Variants in SCN2A observed in about 807,000 individuals in gnomAD.
SCN2A encodes sodium voltage-gated channel alpha subunit 2.
A neutral mutation model predicts 188.7 loss-of-function variants in SCN2A; 20 were observed. The observed-to-expected ratio is 0.11, with a 90% CI of 0.07 to 0.15. The LOEUF (loss-of-function observed/expected upper bound fraction) is 0.15, where lower values mean the gene tolerates loss of function less well. SCN2A is among the 10% of genes least tolerant of loss of function. The pLI, the probability that SCN2A is intolerant of heterozygous loss-of-function variation, is 1.00. For missense variants in SCN2A, 1,278 were observed against 2,445.0 expected (o/e 0.52, Z 10.07); for synonymous variants, 804 against 833.1 (o/e 0.97, Z 0.60).
In SCN2A at chr2:165,259,931, A is replaced by ATTT. The variant is rs140137535; in HGVS notation, c.-52+20314_-52+20316dup. Among the ~76,000 whole-genome samples the ATTT allele has an allele frequency of 4.1e-3, 368 of 89,438 alleles. 13 individuals are homozygous for ATTT. The highest frequency in any genetic ancestry group is 0.015 in the African/African-American group (326 of 21,530). 58.7% of individuals were successfully genotyped at this position (89,438 alleles called of 152,430 possible). ...ATGGCACCTGTAGCCCTAAAAATGGATTTTTTTTTTTTTTTTTTTTTTTTT... is the reference window on the plus strand; with the variant it reads ...ATGGCACCTGTAGCCCTAAAAATGGATTTTTTTTTTTTTTTTTTTTTTTTTTTT... On this transcript the variant is annotated intron_variant, in intron 1 of 26. Transcript: ENST00000375437.
At chr2:165,304,061 T>C (rs1696985009) in intron 3 of SCN2A, among the ~76,000 whole-genome samples, 2 of 152,176 alleles carry the variant, frequency 1.3e-5, no homozygotes, top group Admixed American at 1.3e-4. Context: ...ATTTTTCTTA[T>C]ATTTTTACCC....
At chr2:165,358,876 T>A (rs577876298) in intron 17 of SCN2A, among the ~76,000 whole-genome samples, 81 of 152,252 alleles carry the variant, frequency 5.3e-4, no homozygotes, top group Non-Finnish European at 9.7e-4. Flanking sequence ...AACATCATTC[T>A]ATGGGATCCA....
intron 13 of SCN2A, among the ~76,000 whole-genome samples, chr2:165,330,826 A>G (rs1367411956): frequency 6.6e-6 from 1 of 152,150 alleles, no homozygotes; most frequent in African/African-American, 2.4e-5. Context: ...ATAATCTAAT[A>G]AAATTTAATT....
intron 2 of SCN2A, chr2:165,296,432 A>G (rs552481213): frequency 3.5e-6 from 1 of 285,510 alleles, no homozygotes; most frequent in Non-Finnish European, 6.7e-6. Context: ...CAAAAACTGT[A>G]AACTAGGAGT....
chr2:165,290,794 CT>C, intron 1 of SCN2A: 1 of 984,890 alleles, frequency 1.0e-6, no homozygotes, highest in Non-Finnish European at 1.2e-6. Flanking sequence ...TTGTAAGTAT[CT>C]TGCCTGGCCA....
At chr2:165,311,943 G>A (rs577252162) in intron 7 of SCN2A, 82 bp from the exon 8 acceptor site, 1 of 868,174 alleles carries the variant, frequency 1.2e-6, no homozygotes, top group African/African-American at 1.7e-5. Flanking sequence ...GAAAACATTT[G>A]TGAGCTTTGC....
At chr2:165,320,032 C>A (rs1186014623) in intron 11 of SCN2A, among the ~76,000 whole-genome samples, 3 of 152,192 alleles carry the variant, frequency 2.0e-5, no homozygotes, top group Non-Finnish European at 4.4e-5. Flanking sequence ...CAAGTCCTTT[C>A]CATCTATGAG....
chr2:165,283,572 A>G (rs1207950296), intron 1 of SCN2A, among the ~76,000 whole-genome samples: 1 of 152,214 alleles, frequency 6.6e-6, no homozygotes, highest in Non-Finnish European at 1.5e-5. Flanking sequence ...TAGTCCCATA[A>G]TAGCAATAGC....
chr2:165,336,956 T>TAGTTAATA (rs1699033996), intron 14 of SCN2A, among the ~76,000 whole-genome samples: 1 of 151,920 alleles, frequency 6.6e-6, no homozygotes, highest in African/African-American at 2.4e-5. Flanking sequence ...ATGTGACTCA[T>TAGTTAATA]AGTTAATAGA....
intron 17 of SCN2A, among the ~76,000 whole-genome samples, chr2:165,355,625 T>C (rs1273295844): frequency 6.6e-6 from 1 of 152,172 alleles, no homozygotes; most frequent in Non-Finnish European, 1.5e-5. Context: ...AAAGCTTCTA[T>C]TCCTGATGTC....
intron 1 of SCN2A, among the ~76,000 whole-genome samples, chr2:165,256,409 T>G (rs957506759): frequency 2.0e-5 from 3 of 152,198 alleles, no homozygotes; most frequent in Non-Finnish European, 4.4e-5. Context: ...TTGCAACAAC[T>G]GTGGTAGCCT....
rs1442188692 is a variant in SCN2A, at chr2:165,323,376, C to T, written c.1892C>T (p.Ala631Val). The change falls in exon 12 of 27, where the codon GCC (alanine) becomes GTC (valine). Residue 631 changes from alanine to valine, a missense_variant. By Grantham distance (64) the Ala-to-Val change is moderately conservative. This residue lies in a region of SCN2A where 315 missense variants were observed against 386.6 expected (regional missense o/e 0.81). Coordinates refer to ENST00000375437, the MANE Select transcript of SCN2A (RefSeq NM_001040142.2). ...RHSNVSQASR[A>V]SRVLPILPMN... ...AGCAATGTCAGCCAGGCCAGCCGTGCCTCCAGGGTGCTCCCCATCCTGCCC... is the reference window on the plus strand; with the variant it reads ...AGCAATGTCAGCCAGGCCAGCCGTGTCTCCAGGGTGCTCCCCATCCTGCCC... 1 of 1,614,032 alleles carries T rather than the reference C, an allele frequency of 6.2e-7. No individual in the cohort carries two copies. Among genetic ancestry groups the T allele is most frequent in the African/African-American group, 1.3e-5 (1 of 74,922 alleles).
intron 1 of SCN2A, chr2:165,268,622 G>T: frequency 6.6e-6 from 1 of 152,426 alleles, no homozygotes; most frequent in South Asian, 1.9e-4. Flanking sequence ...CTGAGAACTG[G>T]AACAAGACAA....
At chr2:165,342,269 A>G in intron 14 of SCN2A, 27 bp from the exon 15 acceptor site, 4 of 1,594,852 alleles carry the variant, frequency 2.5e-6, no homozygotes, top group Non-Finnish European at 3.4e-6. Flanking sequence ...GTATTTGCTC[A>G]TATAATGAAC....
intron 14 of SCN2A, among the ~76,000 whole-genome samples, chr2:165,332,602 G>A (rs1339847015): frequency 6.6e-6 from 1 of 151,920 alleles, no homozygotes; most frequent in African/African-American, 2.4e-5. Context: ...CATAAGCTAT[G>A]GGCAAAGATC....
At chr2:165,270,352 A>C (rs1229781130) in intron 1 of SCN2A, 1 of 152,042 alleles carries the variant, frequency 6.6e-6, no homozygotes, top group Non-Finnish European at 1.5e-5. Flanking sequence ...ATTTCTTTAC[A>C]ACCCACCCAT....
chr2:165,258,681 C>T (rs1694436513), intron 1 of SCN2A, among the ~76,000 whole-genome samples: 1 of 152,130 alleles, frequency 6.6e-6, no homozygotes, highest in African/African-American at 2.4e-5. Flanking sequence ...ATGGCATCAA[C>T]CTAAATACTC....
intron 1 of SCN2A, among the ~76,000 whole-genome samples, chr2:165,257,090 C>G (rs1156739656): frequency 2.6e-5 from 4 of 152,130 alleles, no homozygotes; most frequent in Non-Finnish European, 4.4e-5. Context: ...TGGGAACTGA[C>G]GCATCATTTC....
chr2:165,240,836 T>G (rs1003356546), intron 1 of SCN2A, among the ~76,000 whole-genome samples: 1 of 152,128 alleles, frequency 6.6e-6, no homozygotes, highest in Admixed American at 6.6e-5. Flanking sequence ...GGACAAACCA[T>G]GAAAAAAACA....
Sources: gnomAD v4.1 joint callset for allele counts (sites outside exome capture counted in the v4.1 genomes callset) on GRCh38, gnomAD v4.1.1 for gene constraint, gnomAD v4.1.1 regional missense constraint, MANE v1.5 for transcripts, NCBI Gene and HGNC (gene_info 2026-07-23, HGNC 2026-07-21) for gene names.